Variants in ZNF683 observed in about 807,000 individuals in gnomAD.
The protein encoded by ZNF683 is zinc finger protein 683.
ZNF683 carries 20 observed loss-of-function variants against 31.4 expected under a neutral mutation model. The ratio of observed to expected loss-of-function variants is 0.64; its 90% CI spans 0.45 to 0.93. The LOEUF (loss-of-function observed/expected upper bound fraction) is 0.93. ZNF683 is among the 40% of genes least tolerant of loss of function. The pLI is 0.00. For synonymous variants in ZNF683, 264 were observed against 267.6 expected (o/e 0.99, Z 0.13); for missense variants, 621 against 637.2 (o/e 0.97, Z 0.27).
rs1173737722 is a variant in ZNF683 at position 26,366,342 on chromosome 1, C to CAA, written c.320-1118_320-1117dup. 3.2e-3 allele frequency among the ~76,000 whole-genome samples: 216 copies of CAA among 68,366 alleles called. 2 individuals carry two copies. The highest frequency in any genetic ancestry group is 8.9e-3 in the Middle Eastern group (1 of 112). 44.9% of individuals were successfully genotyped at this position (68,366 alleles called of 152,430 possible). On this transcript the variant is annotated intron_variant, in intron 3 of 5. Coordinates refer to ENST00000349618, the MANE Select transcript of ZNF683 (RefSeq NM_001114759.3). Reference sequence around the variant, plus strand: ...TGTGTCCCTGCACTCCAGCCTATCTCAAAAAAAAAAAAAAAAAAAAAAAGC... The same window carrying CAA: ...TGTGTCCCTGCACTCCAGCCTATCTCAAAAAAAAAAAAAAAAAAAAAAAAAGC...
At position 26,367,063 on chromosome 1, in the gene ZNF683, G is replaced by A. The variant is rs1012582291; in HGVS notation, c.319+530C>T. On this transcript the variant is annotated intron_variant, in intron 3 of 5. Coordinates refer to ENST00000349618, the MANE Select transcript of ZNF683 (RefSeq NM_001114759.3). ...GTGGATCACCTGAGGTCAGGAGTTC[G>A]AGACCAGCCTGGCCAACATGGCAAA... Among the ~76,000 whole-genome samples the A allele has an allele frequency of 3.9e-5, 6 of 152,112 alleles. No homozygotes were observed. In the East Asian group the frequency reaches 7.8e-4, roughly 20 times the overall value.
chr1:26,371,801 G>A (rs761027611), intron 1 of ZNF683, among the ~76,000 whole-genome samples: 12 of 149,286 alleles, frequency 8.0e-5, no homozygotes, highest in Admixed American at 3.3e-4. Flanking sequence ...GCATGGTAGC[G>A]CATGCCTGTT....
At chr1:26,363,876 T>C (rs1315549230) in intron 4 of ZNF683, among the ~76,000 whole-genome samples, 1 of 152,092 alleles carries the variant, frequency 6.6e-6, no homozygotes. Flanking sequence ...GTTTAAGAAC[T>C]CCTGCCCTGC....
chr1:26,368,610 A>G (rs2074589438), intron 1 of ZNF683, 25 bp from the exon 2 acceptor site: 4 of 1,562,264 alleles, frequency 2.6e-6, no homozygotes, highest in Non-Finnish European at 3.5e-6. Flanking sequence ...AGTTAGAGGT[A>G]AGCTGTGAAG....
In ZNF683 at chr1:26,364,860, G is replaced by A; in HGVS notation, c.686C>T (p.Pro229Leu). The change falls in exon 4 of 6, where the codon CCC (proline) becomes CTC (leucine). Residue 229 changes from proline (P) to leucine (L), a missense_variant. By Grantham distance (98) the Pro-to-Leu change is moderately conservative. Coordinates refer to ENST00000349618, the MANE Select transcript of ZNF683 (RefSeq NM_001114759.3). Reference protein sequence around the residue: ...LLMLPQDPSYPTMAMPSLLMM... With the variant: ...LLMLPQDPSYLTMAMPSLLMM... The stretch of plus-strand genomic sequence containing the variant: ...CAGCAGGCTAGGCATAGCCATGGTG[G>A]GGTAGGAGGGGTCTTGGGGCAGCAT... 6.4e-7 allele frequency: 1 copy of A among 1,555,832 alleles called. No homozygotes were observed. Among genetic ancestry groups the A allele is most frequent in the Non-Finnish European group, 8.7e-7 (1 of 1,152,220 alleles).
chr1:26,373,007 T>A (rs1004289101), upstream of ZNF683, among the ~76,000 whole-genome samples: 1 of 152,208 alleles, frequency 6.6e-6, no homozygotes, highest in African/African-American at 2.4e-5. Context: ...CTCACACAAA[T>A]TCTGGTGTGC....
intron 4 of ZNF683, among the ~76,000 whole-genome samples, 186 bp from the exon 5 acceptor site, chr1:26,363,340 G>A (rs972625502): frequency 1.3e-5 from 2 of 152,200 alleles, no homozygotes; most frequent in African/African-American, 2.4e-5. Flanking sequence ...AAGGCCAGGG[G>A]TAAGAGGTAC....
chr1:26,368,274 C>T (rs1482631982), intron 2 of ZNF683, among the ~76,000 whole-genome samples, 184 bp downstream of exon 2: 1 of 152,200 alleles, frequency 6.6e-6, no homozygotes, highest in African/African-American at 2.4e-5. Context: ...AGTCTGGGCC[C>T]CTGAGGCATG....
At chr1:26,370,759 T>C in intron 1 of ZNF683, 1 of 981,750 alleles carries the variant, frequency 1.0e-6, no homozygotes, top group Middle Eastern at 5.2e-4. Context: ...CCAGTGGGAG[T>C]GAGAGATGGC....
At chr1:26,372,057 C>G (rs2124216371) in intron 1 of ZNF683, among the ~76,000 whole-genome samples, 1 of 152,282 alleles carries the variant, frequency 6.6e-6, no homozygotes, top group Non-Finnish European at 1.5e-5. Flanking sequence ...AGGCATCACC[C>G]CTGCGGCCTT....
intron 4 of ZNF683, among the ~76,000 whole-genome samples, chr1:26,363,647 C>G (rs1382054308): frequency 6.6e-6 from 1 of 151,118 alleles, no homozygotes; most frequent in Non-Finnish European, 1.5e-5. Flanking sequence ...GTTTACCCTT[C>G]GTCCCAGCTA....
intron 3 of ZNF683, 139 bp from the exon 4 acceptor site, chr1:26,365,365 C>T (rs2074498242): frequency 2.2e-6 from 2 of 926,218 alleles, no homozygotes; most frequent in Non-Finnish European, 3.1e-6. Flanking sequence ...TGAACAATTT[C>T]AGGGGGAGAA....
chr1:26,374,265 CT>C (rs2124228848), upstream of ZNF683: 1 of 1,304,252 alleles, frequency 7.7e-7, no homozygotes, highest in East Asian at 5.6e-5. Context: ...CTCCAAGGCA[CT>C]TCCCCACACA....
At chr1:26,374,456 G>A (rs376226540), upstream of ZNF683, 64 of 1,142,608 alleles carry the variant, frequency 5.6e-5, 1 homozygote, top group East Asian at 2.8e-3. Context: ...CCAGGAGGTG[G>A]GCTGAGGACA....
intron 1 of ZNF683, among the ~76,000 whole-genome samples, chr1:26,371,583 G>C (rs1300720146): frequency 6.6e-6 from 1 of 150,384 alleles, no homozygotes; most frequent in Non-Finnish European, 1.5e-5. Context: ...CTGGGTGACA[G>C]AGAAAGACCC....
chr1:26,363,138 T>C lies in ZNF683; in HGVS notation c.1031A>G (p.His344Arg). The part of the protein sequence containing the change: ...LSNLKVHLRV[H>R]SGERPFQCAL... ...ACACTGGAATGGACGCTCTCCACTG[T>C]GCACACGCAGGTGGACCTGAGTCAG... The change falls in exon 5 of 6, where the codon CAC becomes CGC. Residue 344 changes from histidine (H) to arginine (R), a missense_variant. Transcript: ENST00000349618. The C allele has an allele frequency of 6.2e-7, 1 of 1,610,512 alleles. No individual in the cohort carries two copies. The highest frequency in any genetic ancestry group is 8.5e-7 in the Non-Finnish European group (1 of 1,177,532).
chr1:26,368,706 A>T (rs953688485), intron 1 of ZNF683, 121 bp from the exon 2 acceptor site: 41 of 1,202,504 alleles, frequency 3.4e-5, no homozygotes, highest in Non-Finnish European at 4.5e-5. Context: ...CCCTTCCTGG[A>T]CTCAGTTTCC....
At chr1:26,362,455 T>C (rs902258212) in intron 5 of ZNF683, among the ~76,000 whole-genome samples, 2 of 152,184 alleles carry the variant, frequency 1.3e-5, no homozygotes, top group African/African-American at 4.8e-5. Context: ...GAAGCATGAC[T>C]AAGTATTAGT....
At chr1:26,374,319 C>T (rs1301769365), upstream of ZNF683, 3 of 1,304,038 alleles carry the variant, frequency 2.3e-6, no homozygotes, top group Admixed American at 2.3e-5. Flanking sequence ...CCTGGCATCA[C>T]ACTCTGCTCC....
Sources: allele counts gnomAD v4.1 joint callset (sites outside exome capture counted in the v4.1 genomes callset), GRCh38; gene constraint gnomAD v4.1.1; transcripts MANE v1.5; gene names NCBI Gene and HGNC (gene_info 2026-07-23, HGNC 2026-07-21).